The following KIAA0930 variants were observed in gnomAD, a reference collection of about 807,000 sequenced individuals.
KIAA0930 encodes uncharacterized protein KIAA0930.
KIAA0930 carries 24 observed loss-of-function variants against 43.9 expected under a neutral mutation model. That is an observed-to-expected ratio of 0.55 (90% CI 0.40 to 0.77). KIAA0930 has a LOEUF of 0.77. Ranked by LOEUF, KIAA0930 falls within the 30% of genes least tolerant of loss-of-function variation. KIAA0930 has a pLI of 0.00. For synonymous variants in KIAA0930, 259 were observed against 216.4 expected, an observed-to-expected ratio of 1.20 and a Z score of -1.73; for missense variants, 461 against 574.2, an observed-to-expected ratio of 0.80 and a Z score of 2.02.
chr22:45,225,522 C>T (rs763198010), intron 1 of KIAA0930, among the ~76,000 whole-genome samples: 1 of 152,214 alleles, frequency 6.6e-6, no homozygotes, highest in African/African-American at 2.4e-5. Context: ...CCCCGATGTT[C>T]CAGCCAGCCT....
At position 45,197,087 on chromosome 22, in the gene KIAA0930, G is replaced by A. The variant is rs2083543078; in HGVS notation, c.*89C>T. The A allele has an allele frequency of 2.3e-5, 27 of 1,158,798 alleles. No homozygotes were observed. Among genetic ancestry groups the A allele is most frequent in the South Asian group, 5.0e-5 (3 of 59,466 alleles). 71.8% of individuals were successfully genotyped at this position (1,158,798 alleles called of 1,614,324 possible). A position where few individuals can be genotyped will look rare whatever the true frequency, so the allele number is the denominator to read the frequency against. On this transcript the variant is annotated 3_prime_UTR_variant, in exon 10 of 10. Coordinates refer to ENST00000336156, the MANE Select transcript of KIAA0930 (RefSeq NM_001009880.2). ...GCGGCTCCAGCACTGGCGTGCCATC[G>A]CAGACCCCGGTGGCGGTGGACAGGT...
At chr22:45,212,532 C>T in intron 1 of KIAA0930, 1 of 1,409,660 alleles carries the variant, frequency 7.1e-7, no homozygotes, top group South Asian at 1.6e-5. Context: ...CACCCCCACC[C>T]ACTCCCCCTG....
chr22:45,228,868 ACTCACCCGAAAGATCCCTCCCCATCCCC>A lies in KIAA0930; in HGVS notation c.64+11744_64+11771del. On this transcript the variant is annotated intron_variant, in intron 1 of 9. Coordinates refer to ENST00000336156, the MANE Select transcript of KIAA0930 (RefSeq NM_001009880.2). ...GATCCCTCTTCACCCCCCAACCACC[ACTCACCCGAAAGATCCCTCCCCATCCCC>A]CCAACCACTCACCCGAAAGATCCCT... is the stretch of plus-strand genomic sequence containing the variant. Among the ~76,000 whole-genome samples the A allele has an allele frequency of 8.1e-5, 3 of 37,252 alleles. 1 individual carries two copies. Among genetic ancestry groups the A allele is most frequent in the Non-Finnish European group, 4.5e-5 (1 of 22,374 alleles). 24.4% of individuals were successfully genotyped at this position (37,252 alleles called of 152,430 possible).
intron 1 of KIAA0930, among the ~76,000 whole-genome samples, chr22:45,232,105 G>A (rs1363726175): frequency 6.6e-6 from 1 of 152,150 alleles, no homozygotes; most frequent in Non-Finnish European, 1.5e-5. Flanking sequence ...CTAGTCCAAG[G>A]CCACCTCACC....
chr22:45,206,701 A>AT (rs55641702), intron 2 of KIAA0930, among the ~76,000 whole-genome samples: 3,151 of 146,218 alleles, frequency 0.022, 52 homozygotes, highest in African/African-American at 0.03. Context: ...CTGGCTTCCA[A>AT]TTTTTTTTTT....
intron 4 of KIAA0930, 39 bp downstream of exon 4, chr22:45,205,591 G>A (rs755665048): frequency 1.3e-6 from 2 of 1,584,304 alleles, no homozygotes; most frequent in Non-Finnish European, 1.7e-6. Context: ...AGCCTGAACT[G>A]GCAGTTAGGA....
At chr22:45,201,734 C>T (rs1452681304) in intron 7 of KIAA0930, among the ~76,000 whole-genome samples, 1 of 152,172 alleles carries the variant, frequency 6.6e-6, no homozygotes, top group Admixed American at 6.5e-5. Context: ...ACATTCATTG[C>T]AGAAGATACC....
chr22:45,203,837 G>T lies in KIAA0930; in HGVS notation c.657+8C>A. On this transcript the variant is annotated splice_region_variant and intron_variant, in intron 6 of 9. Coordinates refer to ENST00000336156, the MANE Select transcript of KIAA0930 (RefSeq NM_001009880.2). ...AGAAGAACACCCGTGAGGCCGCCCC[G>T]CACTCACCCGGTTGTCATACACCTT... 1 of 1,613,412 alleles carries T rather than the reference G, an allele frequency of 6.2e-7. No homozygotes were observed. The highest frequency in any genetic ancestry group is 1.3e-5 in the African/African-American group (1 of 74,994).
intron 1 of KIAA0930, among the ~76,000 whole-genome samples, chr22:45,231,947 C>T (rs896186192): frequency 8.5e-5 from 13 of 152,168 alleles, no homozygotes; most frequent in Admixed American, 5.2e-4. Flanking sequence ...GCCGAGATCG[C>T]GCCACTGCAC....
rs989088773 is a variant in KIAA0930, at chr22:45,209,129, A to T, written c.216+2827T>A. 3.3e-5 allele frequency among the ~76,000 whole-genome samples: 5 copies of T among 152,290 alleles called. No individual in the cohort carries two copies. The East Asian group carries it at 7.7e-4, about 24-fold the overall frequency. ...GGGTTCCTGGCATCCTGTCCCCCTG[A>T]CACTGCAGCTCCTGCCCATCCACGC... On this transcript the variant is annotated intron_variant, in intron 2 of 9. Coordinates refer to ENST00000336156, the MANE Select transcript of KIAA0930 (RefSeq NM_001009880.2).
intron 1 of KIAA0930, among the ~76,000 whole-genome samples, chr22:45,238,875 G>GCTCTCTCT (rs141242172): frequency 1.3e-4 from 19 of 145,406 alleles, no homozygotes; most frequent in African/African-American, 3.9e-4. Context: ...CCCTGGGCAG[G>GCTCTCTCT]CTCTCTCTCT....
Position 45,226,489 on chromosome 22 carries a change from G to T in KIAA0930, c.64+14151C>A, listed in dbSNP as rs74877789. 6.9e-3 allele frequency: 2,429 copies of T among 353,094 alleles called. 61 individuals carry two copies. The highest frequency in any genetic ancestry group is 0.049 in the African/African-American group (2,268 of 46,678). 21.9% of individuals were successfully genotyped at this position (353,094 alleles called of 1,614,324 possible). The stretch of plus-strand genomic sequence containing the variant: ...TAAAGCATCCTTTATCCTCCTCTAA[G>T]CAACAATTCCCACAAAGCCCCCTAC... On this transcript the variant is annotated intron_variant, in intron 1 of 9. Coordinates refer to ENST00000336156, the MANE Select transcript of KIAA0930 (RefSeq NM_001009880.2).
chr22:45,222,173 T>G (rs1176820556), intron 1 of KIAA0930, among the ~76,000 whole-genome samples: 1 of 152,128 alleles, frequency 6.6e-6, no homozygotes, highest in Non-Finnish European at 1.5e-5. Context: ...CCAAAAAGAT[T>G]AAAACTTTTA....
At chr22:45,226,101 G>A (rs960734167) in intron 1 of KIAA0930, 6 of 376,806 alleles carry the variant, frequency 1.6e-5, no homozygotes, top group Admixed American at 3.1e-5. Flanking sequence ...AGGACGTGCC[G>A]AGCCCTGTCC....
chr22:45,234,398 A>G (rs1226395088), intron 1 of KIAA0930, among the ~76,000 whole-genome samples: 1 of 152,214 alleles, frequency 6.6e-6, no homozygotes, highest in East Asian at 1.9e-4. Context: ...CTGGCAAGGC[A>G]TGGGCCCAAA....
chr22:45,197,872 C>T lies in KIAA0930; in HGVS notation c.1092G>A (p.Leu364=). The T allele has an allele frequency of 6.2e-7, 1 of 1,614,230 alleles. No homozygotes were observed. Among genetic ancestry groups the T allele is most frequent in the Non-Finnish European group, 8.5e-7 (1 of 1,180,018 alleles). ...GTGRSLVGSW[L]KLNRADGNFL... ...AGTTTCCATCTGCTCTGTTCAGCTT[C>T]AGCCAGGACCCGACCAGGGACCGTC... Residue 364 remains leucine, a synonymous_variant, in exon 9 of 10, where the codon CTG becomes CTA. Coordinates refer to ENST00000336156, the MANE Select transcript of KIAA0930 (RefSeq NM_001009880.2).
At position 45,238,083 on chromosome 22, in the gene KIAA0930, G is replaced by C. The variant is rs150613573; in HGVS notation, c.64+2557C>G. 4.7e-3 allele frequency among the ~76,000 whole-genome samples: 719 copies of C among 151,966 alleles called. 4 individuals carry two copies. Among genetic ancestry groups the C allele is most frequent in the African/African-American group, 0.016 (676 of 41,412 alleles). On this transcript the variant is annotated intron_variant, in intron 1 of 9. Transcript: ENST00000336156. The stretch of plus-strand genomic sequence containing the variant: ...CTATAGGCGCCCGCCACCACGCCTG[G>C]CTAATTTTTTTTTTTGTATTTTTAG...
rs773171587 is a variant in KIAA0930, at chr22:45,197,962, G to A, written c.1016-14C>T. On this transcript the variant is annotated splice_polypyrimidine_tract_variant and intron_variant, in intron 8 of 9. Transcript: ENST00000336156. ...TGTGCAGATCGGCTGGAGGAAAGAA[G>A]GCCAGGTCAAGGCCCCCACAGCATG... 3 of 1,613,466 alleles carry A rather than the reference G, an allele frequency of 1.9e-6. No individual in the cohort carries two copies. In the Admixed American group the frequency reaches 5.0e-5, roughly 27 times the overall value.
rs772322352 is a variant in KIAA0930 at position 45,197,156 on chromosome 22, T to C, written c.*20A>G. On this transcript the variant is annotated 3_prime_UTR_variant, in exon 10 of 10. Transcript: ENST00000336156. ...CGAGGGCTGGGCCCGGCCGGGGCTCTGCGCAGGCTCCGCACGCGGCTAGGT... is the reference window on the plus strand; with the variant it reads ...CGAGGGCTGGGCCCGGCCGGGGCTCCGCGCAGGCTCCGCACGCGGCTAGGT... 103 of 1,541,360 alleles carry C rather than the reference T, an allele frequency of 6.7e-5. No individual in the cohort carries two copies. Among genetic ancestry groups the C allele is most frequent in the Middle Eastern group, 1.7e-4 (1 of 5,946 alleles).
Sources: allele counts gnomAD v4.1 joint callset (sites outside exome capture counted in the v4.1 genomes callset), GRCh38; gene constraint gnomAD v4.1.1; transcripts MANE v1.5; gene names NCBI Gene and HGNC (gene_info 2026-07-23, HGNC 2026-07-21).